SYNPO2: variants seen among roughly 807,000 people sequenced by gnomAD.
The protein encoded by SYNPO2 is synaptopodin 2.
In SYNPO2, 56 loss-of-function variants were observed where a neutral mutation model predicts 85.0. That is an observed-to-expected ratio of 0.66 (90% CI 0.53 to 0.82). The LOEUF (loss-of-function observed/expected upper bound fraction) is 0.82, where lower values mean the gene tolerates loss of function less well. SYNPO2 is among the 40% of genes least tolerant of loss of function. The pLI is 0.00. For synonymous variants in SYNPO2, 602 were observed against 591.1 expected (o/e 1.02, Z -0.27); for missense variants, 1,575 against 1,534.2 (o/e 1.03, Z -0.44).
intron 1 of SYNPO2, among the ~76,000 whole-genome samples, chr4:118,909,067 T>C (rs550396346): frequency 8.3e-4 from 126 of 152,280 alleles, no homozygotes; most frequent in African/African-American, 2.8e-3. Flanking sequence ...CCCAGCAGCC[T>C]GACCTGGAGT....
chr4:118,977,238 C>T (rs186160236), intron 1 of SYNPO2, among the ~76,000 whole-genome samples: 13 of 152,318 alleles, frequency 8.5e-5, no homozygotes, highest in East Asian at 1.9e-4. Context: ...AGCGCAGCGC[C>T]GGTGGGCCAG....
chr4:119,059,744 T>C lies in SYNPO2; in HGVS notation c.*1810T>C, dbSNP rs1312425603. On this transcript the variant is annotated 3_prime_UTR_variant, in exon 5 of 5. Transcript: ENST00000307142. Reference sequence around the variant, plus strand: ...AGTGACCAAGGCCTTATCTTGAAAGTTAAAAAAAAAAAGTAAAGAAATCAC... The same window carrying C: ...AGTGACCAAGGCCTTATCTTGAAAGCTAAAAAAAAAAAGTAAAGAAATCAC... 6.6e-6 allele frequency: 1 copy of C among 150,840 alleles called. No homozygotes were observed. The highest frequency in any genetic ancestry group is 1.5e-5 in the Non-Finnish European group (1 of 67,746). The allele number at this position is 150,840 out of a possible 1,614,324, so 9.3% of individuals were successfully genotyped here. A position where few individuals can be genotyped will look rare whatever the true frequency, so the allele number is the denominator to read the frequency against.
rs192476891 is a variant in SYNPO2, at chr4:118,902,522, G to A, written c.105+13381G>A. On this transcript the variant is annotated intron_variant, in intron 1 of 4. Coordinates refer to ENST00000307142, the MANE Select transcript of SYNPO2 (RefSeq NM_133477.3). Reference sequence around the variant, plus strand: ...TTCACTACCAGGAGAATAGTATGAGGGAAACCGCCCCCATGATTTAATTTT... The same window carrying A: ...TTCACTACCAGGAGAATAGTATGAGAGAAACCGCCCCCATGATTTAATTTT... 3.6e-3 allele frequency among the ~76,000 whole-genome samples: 550 copies of A among 152,142 alleles called. 5 individuals carry two copies. Among genetic ancestry groups the A allele is most frequent in the African/African-American group, 0.012 (513 of 41,480 alleles).
chr4:119,003,645 A>G (rs1251911618), intron 1 of SYNPO2, among the ~76,000 whole-genome samples: 2 of 151,906 alleles, frequency 1.3e-5, no homozygotes, highest in African/African-American at 4.8e-5. Flanking sequence ...ATTTTTTGAC[A>G]TTTTCCCCTC....
chr4:118,879,624 T>C (rs7690236), intron 1 of SYNPO2, among the ~76,000 whole-genome samples: 100,048 of 151,950 alleles, frequency 0.66, 33,612 homozygotes, highest in East Asian at 0.73. Flanking sequence ...AAACACATTT[T>C]TGTGGTTTAA....
At chr4:118,948,791 A>G (rs1734590396) in intron 1 of SYNPO2, among the ~76,000 whole-genome samples, 2 of 152,284 alleles carry the variant, frequency 1.3e-5, no homozygotes, top group South Asian at 4.1e-4. Flanking sequence ...CATGATCCAG[A>G]CACCTCCCAC....
chr4:118,887,123 TC>T (rs1578519680), upstream of SYNPO2, among the ~76,000 whole-genome samples: 2 of 152,020 alleles, frequency 1.3e-5, no homozygotes, highest in East Asian at 3.9e-4. Flanking sequence ...AAAGCTGTGC[TC>T]ATGAGATGAA....
intron 1 of SYNPO2, among the ~76,000 whole-genome samples, chr4:119,005,095 T>G (rs1052780970): frequency 1.2e-4 from 19 of 152,194 alleles, no homozygotes; most frequent in Non-Finnish European, 2.5e-4. Flanking sequence ...TCTTGTAAAT[T>G]TGTTTGAGTT....
chr4:118,922,265 G>A (rs1434087828), intron 1 of SYNPO2, among the ~76,000 whole-genome samples: 1 of 152,008 alleles, frequency 6.6e-6, no homozygotes, highest in Admixed American at 6.6e-5. Context: ...TTCGAATCAG[G>A]TGTTGTCTAA....
chr4:119,026,995 A>T lies in SYNPO2; in HGVS notation c.626A>T (p.Lys209Met), dbSNP rs745673513. The T allele has an allele frequency of 2.5e-6, 4 of 1,614,180 alleles. No homozygotes were observed. Among genetic ancestry groups the T allele is most frequent in the Non-Finnish European group, 3.4e-6 (4 of 1,180,026 alleles). The change falls in exon 3 of 5, where the codon AAG (lysine) becomes ATG (methionine). Residue 209 changes from lysine (K) to methionine (M), a missense_variant. Coordinates refer to ENST00000307142, the MANE Select transcript of SYNPO2 (RefSeq NM_133477.3). ...LQLSLSQERH[K>M]GASGPLVALP... Reference sequence around the variant, plus strand: ...CTGTCCCTTTCACAGGAGAGACATAAGGGCGCTAGTGGCCCTTTAGTGGCT... The same window carrying T: ...CTGTCCCTTTCACAGGAGAGACATATGGGCGCTAGTGGCCCTTTAGTGGCT...
chr4:119,046,987 T>C (rs1354103411), intron 4 of SYNPO2, among the ~76,000 whole-genome samples: 1 of 152,346 alleles, frequency 6.6e-6, no homozygotes, highest in African/African-American at 2.4e-5. Context: ...CAAGATGATA[T>C]GCTACATACA....
chr4:118,927,781 G>GATAGATAGATAGATAA, intron 1 of SYNPO2, among the ~76,000 whole-genome samples: 1 of 140,874 alleles, frequency 7.1e-6, no homozygotes, highest in African/African-American at 2.5e-5. Flanking sequence ...ATAGATGATA[G>GATAGATAGATAGATAA]ATAGATAGAT....
At chr4:119,046,596 C>T (rs1293314530) in intron 4 of SYNPO2, among the ~76,000 whole-genome samples, 1 of 152,242 alleles carries the variant, frequency 6.6e-6, no homozygotes, top group Non-Finnish European at 1.5e-5. Flanking sequence ...CACACAGTCT[C>T]TTCCCACAAT....
intron 4 of SYNPO2, chr4:119,033,360 A>G (rs1738366358): frequency 5.1e-6 from 5 of 985,436 alleles, no homozygotes; most frequent in Non-Finnish European, 6.0e-6. Flanking sequence ...AATTCAGGCA[A>G]GGTTACCTTG....
At position 119,026,700 on chromosome 4, in the gene SYNPO2, G is replaced by T. The variant is rs112703735; in HGVS notation, c.331G>T (p.Gly111Cys). The stretch of plus-strand genomic sequence containing the variant: ...AAACCTCGAGCATCTCACACATGGG[G>T]GTTATGTGGAAAGTACCACCCTGCA... ...NKNLEHLTHG[G>C]YVESTTLQIR... The change falls in exon 3 of 5, where the codon GGT (glycine) becomes TGT (cysteine). Residue 111 changes from glycine (G) to cysteine (C), a missense_variant. Gly to Cys is a radical substitution (Grantham distance 159). Coordinates refer to ENST00000307142, the MANE Select transcript of SYNPO2 (RefSeq NM_133477.3). 1 of 1,614,100 alleles carries T rather than the reference G, an allele frequency of 6.2e-7. No individual in the cohort carries two copies. The highest frequency in any genetic ancestry group is 1.7e-5 in the Admixed American group (1 of 60,012).
intron 1 of SYNPO2, among the ~76,000 whole-genome samples, chr4:118,955,319 C>T (rs993556239): frequency 1.3e-5 from 2 of 152,028 alleles, no homozygotes; most frequent in Non-Finnish European, 2.9e-5. Flanking sequence ...AACAACATGC[C>T]AAACTGCTTC....
chr4:118,998,910 T>A (rs1410181548), intron 1 of SYNPO2, among the ~76,000 whole-genome samples: 2 of 152,178 alleles, frequency 1.3e-5, no homozygotes, highest in Non-Finnish European at 2.9e-5. Context: ...GTTTTGTTTT[T>A]TCTTTCTAAC....
At chr4:118,851,347 C>T (rs1198277057) in intron 1 of SYNPO2, among the ~76,000 whole-genome samples, 5 of 152,056 alleles carry the variant, frequency 3.3e-5, no homozygotes, top group African/African-American at 1.2e-4. Flanking sequence ...ATTAGCCTGG[C>T]GTGGTGGTGC....
intron 4 of SYNPO2, among the ~76,000 whole-genome samples, chr4:119,055,915 A>G (rs1012621898): frequency 4.6e-5 from 7 of 152,176 alleles, no homozygotes; most frequent in African/African-American, 1.7e-4. Context: ...AAAAAAAACG[A>G]AACATTTGAA....
Sources: gnomAD v4.1 joint callset for allele counts (sites outside exome capture counted in the v4.1 genomes callset) on GRCh38, gnomAD v4.1.1 for gene constraint, MANE v1.5 for transcripts, NCBI Gene and HGNC (gene_info 2026-07-23, HGNC 2026-07-21) for gene names.